The following SMIM31 variants were observed in gnomAD, a reference collection of about 807,000 sequenced individuals.
The protein encoded by SMIM31 is human epithelial cell program regulator.
intron 2 of SMIM31, among the ~76,000 whole-genome samples, chr4:164,784,127 C>T (rs55825708): frequency 0.013 from 1,973 of 152,212 alleles, 30 homozygotes; most frequent in African/African-American, 0.043. Context: ...AAGTTGGGGG[C>T]GAGGGCCCAG....
At chr4:164,777,937 C>T (rs940611450) in intron 2 of SMIM31, among the ~76,000 whole-genome samples, 2 of 152,200 alleles carry the variant, frequency 1.3e-5, no homozygotes, top group Non-Finnish European at 2.9e-5. Context: ...TCAATGTGGC[C>T]AAAGGCCCTA....
chr4:164,769,607 A>AG (rs1300927130), intron 1 of SMIM31, among the ~76,000 whole-genome samples: 12 of 32,878 alleles, frequency 3.6e-4, no homozygotes, highest in African/African-American at 1.4e-3. Context: ...GGGTGGGGGG[A>AG]GGGGGGAGGG....
intron 1 of SMIM31, among the ~76,000 whole-genome samples, chr4:164,768,702 A>G (rs1732754418): frequency 6.6e-6 from 1 of 152,154 alleles, no homozygotes. Context: ...GACCTATAGC[A>G]CTTAAAAACC....
At chr4:164,797,050 C>T (rs1239762628) in intron 2 of SMIM31, among the ~76,000 whole-genome samples, 1 of 152,190 alleles carries the variant, frequency 6.6e-6, no homozygotes, top group African/African-American at 2.4e-5. Context: ...GGTTGTTCTA[C>T]TGGCTGCTGT....
intron 2 of SMIM31, among the ~76,000 whole-genome samples, chr4:164,792,682 T>C (rs868710331): frequency 7.9e-5 from 12 of 152,190 alleles, no homozygotes; most frequent in Non-Finnish European, 1.5e-4. Context: ...TCAGTACACA[T>C]AAAAATCCAA....
intron 1 of SMIM31, among the ~76,000 whole-genome samples, chr4:164,756,591 T>A (rs946310199): frequency 1.3e-5 from 2 of 148,976 alleles, no homozygotes; most frequent in Non-Finnish European, 3.0e-5. Flanking sequence ...ATAATAATAA[T>A]ATAAACAAAT....
chr4:164,791,172 T>C (rs1021150381), intron 2 of SMIM31, among the ~76,000 whole-genome samples: 2 of 152,218 alleles, frequency 1.3e-5, no homozygotes, highest in African/African-American at 4.8e-5. Context: ...TTGGACTGTT[T>C]TTTTCTTATT....
intron 2 of SMIM31, among the ~76,000 whole-genome samples, chr4:164,772,254 A>G (rs72694097): frequency 0.35 from 47,768 of 135,222 alleles, 8,283 homozygotes; most frequent in Admixed American, 0.49. Flanking sequence ...GAGGTGCTAG[A>G]CACTTTTAAA....
intron 2 of SMIM31, among the ~76,000 whole-genome samples, chr4:164,777,662 G>A (rs1232915934): frequency 6.6e-6 from 1 of 152,156 alleles, no homozygotes; most frequent in African/African-American, 2.4e-5. Context: ...TTCATCAAAG[G>A]TGTGTCCAGC....
chr4:164,774,594 A>C (rs1286530947), intron 2 of SMIM31, among the ~76,000 whole-genome samples: 1 of 152,212 alleles, frequency 6.6e-6, no homozygotes, highest in Non-Finnish European at 1.5e-5. Flanking sequence ...AGTAACAAGG[A>C]GAGTATTGTA....
chr4:164,757,778 T>C (rs1255808190), intron 1 of SMIM31, among the ~76,000 whole-genome samples: 1 of 151,640 alleles, frequency 6.6e-6, no homozygotes, highest in African/African-American at 2.4e-5. Flanking sequence ...CTAATCTATT[T>C]GTCACCACTT....
Position 164,789,472 on chromosome 4 carries a change from T to A in SMIM31, c.113-11619T>A, listed in dbSNP as rs140501948. On this transcript the variant is annotated intron_variant, in intron 2 of 2. Transcript: ENST00000507311. ...CATTTAACCTGAACGTTTTAAATGA[T>A]TGCATTTTCATGACTACCAAAATAT... Among the ~76,000 whole-genome samples the A allele has an allele frequency of 7.7e-3, 1,176 of 152,344 alleles. 13 individuals carry two copies. The highest frequency in any genetic ancestry group is 0.027 in the African/African-American group (1,120 of 41,584).
intron 1 of SMIM31, among the ~76,000 whole-genome samples, chr4:164,757,956 TTA>T (rs74530767): frequency 0.11 from 17,356 of 152,126 alleles, 1,092 homozygotes; most frequent in African/African-American, 0.16. Flanking sequence ...CATGATAAGA[TTA>T]TGACTATAAT....
chr4:164,800,235 C>T (rs1280332979), intron 2 of SMIM31, among the ~76,000 whole-genome samples: 1 of 150,390 alleles, frequency 6.6e-6, no homozygotes, highest in Non-Finnish European at 1.5e-5. Context: ...TTTTTTTTGA[C>T]AAAGTCTCTC....
At chr4:164,786,116 AT>A (rs1733022726) in intron 2 of SMIM31, among the ~76,000 whole-genome samples, 1 of 152,318 alleles carries the variant, frequency 6.6e-6, no homozygotes, top group Admixed American at 6.5e-5. Context: ...AACTTCACAG[AT>A]TTTAAAAAAA....
chr4:164,784,921 G>A (rs1269894170), intron 2 of SMIM31, among the ~76,000 whole-genome samples: 4 of 142,766 alleles, frequency 2.8e-5, no homozygotes, highest in African/African-American at 1.1e-4. Flanking sequence ...AATTCCGTGA[G>A]TTGTAAAAAT....
intron 2 of SMIM31, among the ~76,000 whole-genome samples, chr4:164,780,224 A>T (rs541202651): frequency 6.6e-6 from 1 of 152,198 alleles, no homozygotes; most frequent in South Asian, 2.1e-4. Flanking sequence ...TCAGGAGATC[A>T]AGACCAGCCT....
chr4:164,769,398 T>C (rs1732762924), intron 1 of SMIM31, among the ~76,000 whole-genome samples: 1 of 151,992 alleles, frequency 6.6e-6, no homozygotes, highest in Admixed American at 6.6e-5. Context: ...CCACCTAACA[T>C]AAAAACTCCT....
At chr4:164,764,190 T>A (rs1732688241) in intron 1 of SMIM31, among the ~76,000 whole-genome samples, 1 of 152,206 alleles carries the variant, frequency 6.6e-6, no homozygotes, top group Non-Finnish European at 1.5e-5. Flanking sequence ...GAACTCACTA[T>A]CATTGGAGGC....
Sources: allele counts gnomAD v4.1 joint callset (sites outside exome capture counted in the v4.1 genomes callset), GRCh38; gene constraint gnomAD v4.1.1; transcripts MANE v1.5; gene names NCBI Gene and HGNC (gene_info 2026-07-23, HGNC 2026-07-21).